Variants in ARHGAP22 observed in about 807,000 individuals in gnomAD.
The protein encoded by ARHGAP22 is rho GTPase-activating protein 22.
In ARHGAP22, 48 loss-of-function variants were observed where a neutral mutation model predicts 59.1. The observed-to-expected ratio is 0.81, with a 90% CI of 0.64 to 1.03. The LOEUF is 1.03. Among genes scored for constraint, ARHGAP22 ranks in the 50% least tolerant of loss-of-function variants. The pLI is 0.00. For missense variants in ARHGAP22, 1,015 were observed against 958.7 expected, an observed-to-expected ratio of 1.06 and a Z score of -0.78; for synonymous variants, 445 against 416.4, an observed-to-expected ratio of 1.07 and a Z score of -0.84.
intron 1 of ARHGAP22, among the ~76,000 whole-genome samples, chr10:48,641,320 C>T (rs1173327976): frequency 1.3e-5 from 2 of 152,162 alleles, no homozygotes; most frequent in Non-Finnish European, 2.9e-5. Flanking sequence ...ATAGCAAGAT[C>T]CATTAGTATG....
At chr10:48,442,672 TCCCTTGTCTCCTTTTACCACAGACCCTGC>T (rs1347843167), downstream of ARHGAP22, among the ~76,000 whole-genome samples, 2 of 152,082 alleles carry the variant, frequency 1.3e-5, no homozygotes, top group Non-Finnish European at 1.5e-5. Flanking sequence ...TACTCCTCAG[TCCCTTGTCTCCTTTTACCACAGACCCTGC>T]CCCTTGTCTC....
upstream of ARHGAP22, among the ~76,000 whole-genome samples, chr10:48,609,286 A>G (rs1186216966): frequency 6.6e-6 from 1 of 152,192 alleles, no homozygotes; most frequent in Admixed American, 6.5e-5. Context: ...GATGTTCTAC[A>G]TTTCCAGCAT....
chr10:48,635,460 G>A (rs1295637600), intron 1 of ARHGAP22, among the ~76,000 whole-genome samples: 1 of 152,178 alleles, frequency 6.6e-6, no homozygotes, highest in Non-Finnish European at 1.5e-5. Flanking sequence ...ATGGCTTCCC[G>A]CTCCAGGCTC....
intron 2 of ARHGAP22, among the ~76,000 whole-genome samples, chr10:48,582,279 A>G (rs2059163174): frequency 6.6e-6 from 1 of 152,076 alleles, no homozygotes; most frequent in South Asian, 2.1e-4. Context: ...CCCAAGAGAT[A>G]CCCTTTCTCT....
upstream of ARHGAP22, chr10:48,656,121 G>A (rs2136246593): frequency 6.6e-6 from 1 of 152,524 alleles, no homozygotes; most frequent in South Asian, 2.1e-4. Context: ...TTGAGCTCCC[G>A]GCCCGCTCCT....
chr10:48,581,435 G>A (rs1351016008), intron 2 of ARHGAP22, among the ~76,000 whole-genome samples: 1 of 152,176 alleles, frequency 6.6e-6, no homozygotes, highest in Non-Finnish European at 1.5e-5. Context: ...CAGCTAGCAT[G>A]CTAGGTCTCA....
chr10:48,575,956 A>T (rs972079792), intron 2 of ARHGAP22, among the ~76,000 whole-genome samples: 2 of 152,160 alleles, frequency 1.3e-5, no homozygotes, highest in African/African-American at 4.8e-5. Context: ...CTGCTGCAGG[A>T]TGACTCTCCT....
downstream of ARHGAP22, chr10:48,443,818 C>A (rs2045260525): frequency 6.6e-6 from 1 of 152,176 alleles, no homozygotes; most frequent in Admixed American, 6.5e-5. Context: ...CACTCAAAAG[C>A]CAATTAAGAC....
At chr10:48,585,833 C>T (rs2059394200) in intron 1 of ARHGAP22, among the ~76,000 whole-genome samples, 1 of 152,136 alleles carries the variant, frequency 6.6e-6, no homozygotes, top group East Asian at 1.9e-4. Context: ...CATGCTTGCC[C>T]CTGAACACTG....
chr10:48,643,733 C>CT (rs2136173909), intron 1 of ARHGAP22, among the ~76,000 whole-genome samples: 1 of 142,358 alleles, frequency 7.0e-6, no homozygotes, highest in African/African-American at 2.7e-5. Context: ...GCACATGTAC[C>CT]TAGAACTTAA....
intron 3 of ARHGAP22, among the ~76,000 whole-genome samples, chr10:48,509,536 C>T (rs72785120): frequency 0.12 from 17,566 of 152,224 alleles, 1,209 homozygotes; most frequent in Middle Eastern, 0.16. Context: ...AAGTCGAAGG[C>T]GGGCCAGCCT....
intron 2 of ARHGAP22, 53 bp from the exon 3 acceptor site, chr10:48,555,603 C>T (rs1320726827): frequency 3.8e-6 from 6 of 1,569,318 alleles, no homozygotes; most frequent in Non-Finnish European, 5.3e-6. Context: ...GGGGAGGGGA[C>T]TGCTGTCGTC....
chr10:48,655,231 T>C (rs1364214228), upstream of ARHGAP22, among the ~76,000 whole-genome samples: 1 of 81,724 alleles, frequency 1.2e-5, no homozygotes, highest in East Asian at 4.1e-4. Flanking sequence ...ACCCACACCA[T>C]GGAGAGTGGA....
chr10:48,626,178 C>T (rs1032766516), intron 1 of ARHGAP22, among the ~76,000 whole-genome samples: 1 of 152,164 alleles, frequency 6.6e-6, no homozygotes, highest in Admixed American at 6.5e-5. Flanking sequence ...TATCCCACCC[C>T]TAAATCAGAG....
chr10:48,655,112 C>CTTTTCTTTTCTTT (rs1554968198), upstream of ARHGAP22, among the ~76,000 whole-genome samples: 3 of 34,166 alleles, frequency 8.8e-5, no homozygotes, highest in African/African-American at 2.3e-4. Context: ...CTCTTCTCTT[C>CTTTTCTTTTCTTT]TCTTTCCTCT....
At chr10:48,643,661 G>T (rs2062157798) in intron 1 of ARHGAP22, among the ~76,000 whole-genome samples, 1 of 151,140 alleles carries the variant, frequency 6.6e-6, no homozygotes, top group Non-Finnish European at 1.5e-5. Context: ...TAAATGACGA[G>T]TTAATGGGTG....
At chr10:48,606,051 A>G (rs2060659209), upstream of ARHGAP22, among the ~76,000 whole-genome samples, 1 of 152,122 alleles carries the variant, frequency 6.6e-6, no homozygotes, top group Admixed American at 6.5e-5. Context: ...CACTCCGTGT[A>G]TCCTCTTAGG....
chr10:48,565,599 G>C (rs1253342029), intron 2 of ARHGAP22, among the ~76,000 whole-genome samples: 1 of 152,144 alleles, frequency 6.6e-6, no homozygotes, highest in Non-Finnish European at 1.5e-5. Context: ...AATTATTATA[G>C]GGTTTGTAAT....
intron 2 of ARHGAP22, among the ~76,000 whole-genome samples, chr10:48,562,792 A>G (rs2057773237): frequency 6.6e-6 from 1 of 152,250 alleles, no homozygotes; most frequent in South Asian, 2.1e-4. Context: ...TTGTATGTCA[A>G]TTATACCTCA....
Sources: gnomAD v4.1 joint callset for allele counts (sites outside exome capture counted in the v4.1 genomes callset) on GRCh38, gnomAD v4.1.1 for gene constraint, MANE v1.5 for transcripts, NCBI Gene and HGNC (gene_info 2026-07-23, HGNC 2026-07-21) for gene names.